The following SNAP23 variants were observed in gnomAD, a reference collection of about 807,000 sequenced individuals.
SNAP23 encodes the protein synaptosomal-associated protein 23.
SNAP23 carries 11 observed loss-of-function variants against 29.0 expected under a neutral mutation model. The ratio of observed to expected loss-of-function variants is 0.38; its 90% CI spans 0.24 to 0.63. The LOEUF is 0.63. Ranked by LOEUF, SNAP23 falls within the 20% of genes least tolerant of loss-of-function variation. The pLI is 0.58. For synonymous variants in SNAP23, 60 were observed against 82.9 expected (o/e 0.72, Z 1.50); for missense variants, 220 against 253.9 (o/e 0.87, Z 0.91).
intron 1 of SNAP23, among the ~76,000 whole-genome samples, chr15:42,500,609 C>G (rs2057261491): frequency 6.6e-6 from 1 of 152,036 alleles, no homozygotes; most frequent in Non-Finnish European, 1.5e-5. Flanking sequence ...AGGCTGGTCT[C>G]AAACTCCTGA....
chr15:42,522,716 TAAAAAAAAAAAA>T (rs10553237), intron 5 of SNAP23, among the ~76,000 whole-genome samples: 3,253 of 104,910 alleles, frequency 0.031, 72 homozygotes, highest in Non-Finnish European at 0.046. Flanking sequence ...CAACCAAAAC[TAAAAAAAAAAAA>T]AAAAAAAAGA....
Position 42,532,387 on chromosome 15 carries a change from G to A in SNAP23, c.*909G>A, listed in dbSNP as rs547726640. 6.6e-6 allele frequency: 1 copy of A among 151,752 alleles called. No individual in the cohort carries two copies. The highest frequency in any genetic ancestry group is 2.1e-4 in the South Asian group (1 of 4,828). 9.4% of individuals were successfully genotyped at this position (151,752 alleles called of 1,614,324 possible). The stretch of plus-strand genomic sequence containing the variant: ...GGCGTGAGCCACTGTGCCTGGCTGA[G>A]TTTTCTTAAAGTGAGCTTAATTTCT... On this transcript the variant is annotated 3_prime_UTR_variant, in exon 8 of 8. Coordinates refer to ENST00000249647, the MANE Select transcript of SNAP23 (RefSeq NM_003825.4).
chr15:42,510,863 C>A (rs2057353858), intron 1 of SNAP23, among the ~76,000 whole-genome samples: 1 of 152,032 alleles, frequency 6.6e-6, no homozygotes, highest in East Asian at 1.9e-4. Flanking sequence ...CTACTAGATG[C>A]CATTAACCAG....
chr15:42,532,156 A>G lies in SNAP23; in HGVS notation c.*678A>G, dbSNP rs2057571979. ...GTCCAGGCTGGAGTGCAATAGCGCG[A>G]TCTGGGCTCACTGCAACCTCCGCCT... On this transcript the variant is annotated 3_prime_UTR_variant, in exon 8 of 8. Transcript: ENST00000249647. The G allele has an allele frequency of 6.6e-6, 1 of 150,416 alleles. No individual in the cohort carries two copies. The highest frequency in any genetic ancestry group is 1.5e-5 in the Non-Finnish European group (1 of 67,842). The allele number at this position is 150,416 out of a possible 1,614,324, so 9.3% of individuals were successfully genotyped here.
chr15:42,504,166 CA>C (rs898253406), intron 1 of SNAP23, among the ~76,000 whole-genome samples: 69 of 137,742 alleles, frequency 5.0e-4, no homozygotes, highest in East Asian at 8.4e-4. Context: ...CCTGCCTCTA[CA>C]AAAAAAAAAA....
At chr15:42,495,230 G>C (rs556535039), upstream of SNAP23, 2 of 152,170 alleles carry the variant, frequency 1.3e-5, no homozygotes, top group Non-Finnish European at 2.9e-5. Context: ...ACACCCCTAA[G>C]AATAAAACGC....
intron 5 of SNAP23, chr15:42,521,829 A>G: frequency 2.4e-6 from 1 of 418,930 alleles, no homozygotes; most frequent in Non-Finnish European, 4.2e-6. Flanking sequence ...GTGCTATCTC[A>G]CAAAAGATGG....
chr15:42,531,526 C>T lies in SNAP23; in HGVS notation c.*48C>T, dbSNP rs751370753. The T allele has an allele frequency of 3.5e-6, 5 of 1,420,420 alleles. 1 individual carries two copies. The South Asian group carries it at 3.7e-5, about 10-fold the overall frequency. 88.0% of individuals were successfully genotyped at this position (1,420,420 alleles called of 1,614,324 possible). A position where few individuals can be genotyped will look rare whatever the true frequency, so the allele number is the denominator to read the frequency against. On this transcript the variant is annotated 3_prime_UTR_variant, in exon 8 of 8. Transcript: ENST00000249647. ...CATTTATTCACTTCCGTAGCTCCTC[C>T]TTGAAAGTTATTACCTTTTCAGAGT...
intron 1 of SNAP23, among the ~76,000 whole-genome samples, chr15:42,497,043 CTT>C (rs1223381614): frequency 1.3e-4 from 19 of 141,182 alleles, no homozygotes; most frequent in Non-Finnish European, 1.6e-4. Flanking sequence ...TTCTTTCTTT[CTT>C]TTTTTTTTTT....
At chr15:42,524,379 C>A (rs930591132) in intron 5 of SNAP23, among the ~76,000 whole-genome samples, 3 of 152,170 alleles carry the variant, frequency 2.0e-5, no homozygotes, top group East Asian at 3.9e-4. Context: ...TCAACCCCCC[C>A]AGCCATGGAC....
chr15:42,508,520 G>A (rs1263335138), intron 1 of SNAP23, among the ~76,000 whole-genome samples: 1 of 152,086 alleles, frequency 6.6e-6, no homozygotes, highest in Non-Finnish European at 1.5e-5. Flanking sequence ...TCTGTTACTT[G>A]TCTTGCGTGT....
chr15:42,515,183 C>G (rs1453738873), intron 4 of SNAP23, 54 bp from the exon 5 acceptor site: 25 of 1,077,750 alleles, frequency 2.3e-5, no homozygotes, highest in Non-Finnish European at 3.3e-5. Flanking sequence ...ATAGCATTTT[C>G]TGGTTGACAC....
intron 5 of SNAP23, 154 bp from the exon 6 acceptor site, chr15:42,528,108 T>G: frequency 1.7e-6 from 1 of 583,844 alleles, no homozygotes; most frequent in Non-Finnish European, 3.0e-6. Flanking sequence ...TATTCCATAT[T>G]GCCATGGAGC....
At chr15:42,512,309 GA>G (rs2057363211) in intron 2 of SNAP23, 1 of 147,042 alleles carries the variant, frequency 6.8e-6, no homozygotes, top group Admixed American at 6.7e-5. Context: ...CATCACACTG[GA>G]AGTCCTTACA....
chr15:42,508,766 T>C (rs1016141465), intron 1 of SNAP23, among the ~76,000 whole-genome samples: 10 of 152,146 alleles, frequency 6.6e-5, no homozygotes, highest in African/African-American at 2.4e-4. Context: ...AAGACTGACT[T>C]GTAATTGGCA....
intron 6 of SNAP23, among the ~76,000 whole-genome samples, chr15:42,529,317 T>C (rs1213470827): frequency 6.6e-6 from 1 of 152,212 alleles, no homozygotes; most frequent in Non-Finnish European, 1.5e-5. Flanking sequence ...CTTGAGGGGC[T>C]TATTAAACCG....
At chr15:42,500,262 G>C (rs1056275707) in intron 1 of SNAP23, among the ~76,000 whole-genome samples, 4 of 135,930 alleles carry the variant, frequency 2.9e-5, no homozygotes, top group Non-Finnish European at 4.6e-5. Context: ...GTATATATTA[G>C]CATGTATAAT....
chr15:42,512,875 A>G, intron 2 of SNAP23, 80 bp from the exon 3 acceptor site: 1 of 1,058,804 alleles, frequency 9.4e-7, no homozygotes, highest in South Asian at 1.3e-5. Flanking sequence ...TAAAGATAGA[A>G]TAGCATCATG....
At chr15:42,497,204 ATTTTTTTTTT>A (rs1192101985) in intron 1 of SNAP23, among the ~76,000 whole-genome samples, 1 of 104,292 alleles carries the variant, frequency 9.6e-6, no homozygotes, top group Non-Finnish European at 1.9e-5. Context: ...AACCTGGCTA[ATTTTTTTTTT>A]TTTTTTTTTT....
Sources: gnomAD v4.1 joint callset for allele counts (sites outside exome capture counted in the v4.1 genomes callset) on GRCh38, gnomAD v4.1.1 for gene constraint, MANE v1.5 for transcripts, NCBI Gene and HGNC (gene_info 2026-07-23, HGNC 2026-07-21) for gene names.